Variants in PPM1B observed in about 807,000 individuals in gnomAD.
The protein encoded by PPM1B is protein phosphatase, Mg2+/Mn2+ dependent 1B, also known as protein phosphatase 1B.
In PPM1B, 22 loss-of-function variants were observed where a neutral mutation model predicts 43.0. The observed-to-expected ratio is 0.51, with a 90% CI of 0.37 to 0.73. The LOEUF is 0.73. PPM1B is among the 30% of genes least tolerant of loss of function. The pLI, the probability that PPM1B is intolerant of heterozygous loss-of-function variation, is 0.00. For missense variants in PPM1B, 632 were observed against 584.2 expected (o/e 1.08, Z -0.84); for synonymous variants, 217 against 197.9 (o/e 1.10, Z -0.81).
At chr2:44,204,572 A>G (rs752355211) in intron 2 of PPM1B, among the ~76,000 whole-genome samples, 1 of 152,294 alleles carries the variant, frequency 6.6e-6, no homozygotes, top group South Asian at 2.1e-4. Context: ...TAAGCCAAAC[A>G]CTATTCTAAA....
intron 1 of PPM1B, among the ~76,000 whole-genome samples, chr2:44,195,399 A>T (rs576779211): frequency 8.6e-5 from 13 of 151,628 alleles, no homozygotes; most frequent in Admixed American, 2.0e-4. Flanking sequence ...TTTGGTAGAG[A>T]TAGGGTCTTG....
chr2:44,192,195 T>TGTATTGTATG (rs1558400440), intron 1 of PPM1B, among the ~76,000 whole-genome samples: 1 of 103,902 alleles, frequency 9.6e-6, no homozygotes, highest in African/African-American at 3.8e-5. Context: ...GTTATGGTAT[T>TGTATTGTATG]GTATTGTATT....
intron 5 of PPM1B, among the ~76,000 whole-genome samples, chr2:44,242,107 C>T (rs1248147593): frequency 6.6e-6 from 1 of 152,060 alleles, no homozygotes; most frequent in African/African-American, 2.4e-5. Flanking sequence ...ATCCACCCAC[C>T]TCGGCCTCCC....
chr2:44,183,139 A>C (rs1472495367), intron 1 of PPM1B, among the ~76,000 whole-genome samples: 1 of 152,216 alleles, frequency 6.6e-6, no homozygotes, highest in Non-Finnish European at 1.5e-5. Context: ...CACAAATGCT[A>C]ATACCACTTG....
rs60750702 is a variant in PPM1B at position 44,226,735 on chromosome 2, C to CTTTTTTT, written c.1135-3660_1135-3654dup. 1.1e-3 allele frequency among the ~76,000 whole-genome samples: 70 copies of CTTTTTTT among 66,630 alleles called. 1 individual carries two copies. The highest frequency in any genetic ancestry group is 2.4e-3 in the East Asian group (5 of 2,094). The allele number at this position is 66,630 out of a possible 152,430, so 43.7% of individuals were successfully genotyped here. ...TTTTAATAAAATGGTAGGTTTTTAT[C>CTTTTTTT]TTTTTTTTTTTTTTTTTTTTTTTTG... is the stretch of plus-strand genomic sequence containing the variant. On this transcript the variant is annotated intron_variant, in intron 5 of 5. Transcript: ENST00000282412.
intron 1 of PPM1B, among the ~76,000 whole-genome samples, chr2:44,184,039 A>G (rs1668011599): frequency 6.6e-6 from 1 of 152,144 alleles, no homozygotes; most frequent in Admixed American, 6.5e-5. Context: ...TGCCTGGCCT[A>G]GTTCTTAGTT....
intron 1 of PPM1B, among the ~76,000 whole-genome samples, chr2:44,185,970 A>G (rs1009980186): frequency 1.3e-5 from 2 of 152,186 alleles, no homozygotes; most frequent in African/African-American, 2.4e-5. Context: ...GATACTAAGA[A>G]TTGGAAGAAA....
chr2:44,222,727 T>C (rs1246966680), intron 5 of PPM1B, among the ~76,000 whole-genome samples: 3 of 152,324 alleles, frequency 2.0e-5, no homozygotes, highest in Admixed American at 6.5e-5. Context: ...CCATGTGGCC[T>C]CTTTAAGGTA....
chr2:44,217,902 T>A, intron 3 of PPM1B, 65 bp from the exon 4 acceptor site: 1 of 962,792 alleles, frequency 1.0e-6, no homozygotes, highest in Non-Finnish European at 1.5e-6. Flanking sequence ...GTATCTCTTG[T>A]TTCACTTCTT....
chr2:44,239,603 A>G (rs1313445707), downstream of PPM1B, among the ~76,000 whole-genome samples: 2 of 152,212 alleles, frequency 1.3e-5, no homozygotes, highest in African/African-American at 4.8e-5. Flanking sequence ...GGCTGAGGGG[A>G]GGCACATCTC....
At chr2:44,190,434 C>T (rs1339907045) in intron 1 of PPM1B, among the ~76,000 whole-genome samples, 1 of 152,192 alleles carries the variant, frequency 6.6e-6, no homozygotes, top group Non-Finnish European at 1.5e-5. Flanking sequence ...GTTGGGATTA[C>T]AGGCGTGAGC....
At chr2:44,225,690 C>G (rs193295561) in intron 5 of PPM1B, among the ~76,000 whole-genome samples, 167 of 152,016 alleles carry the variant, frequency 1.1e-3, no homozygotes, top group African/African-American at 3.8e-3. Flanking sequence ...GGAGTCTCAC[C>G]CTGTCACCGA....
At chr2:44,202,913 G>A (rs1669006557) in intron 2 of PPM1B, among the ~76,000 whole-genome samples, 1 of 152,118 alleles carries the variant, frequency 6.6e-6, no homozygotes, top group Admixed American at 6.6e-5. Context: ...GAGTTATCTG[G>A]CCAGTGTCTG....
chr2:44,198,997 G>A (rs1488797012), intron 1 of PPM1B, among the ~76,000 whole-genome samples: 2 of 152,172 alleles, frequency 1.3e-5, no homozygotes, highest in Admixed American at 6.5e-5. Flanking sequence ...GGTGGCTCAT[G>A]CCTGTGATCC....
chr2:44,245,889 C>T (rs887989323), downstream of PPM1B, among the ~76,000 whole-genome samples: 39 of 152,334 alleles, frequency 2.6e-4, no homozygotes, highest in African/African-American at 8.9e-4. Flanking sequence ...TGACTCCATT[C>T]CTTTGGAGCT....
chr2:44,194,581 G>T (rs1405227513), intron 1 of PPM1B, among the ~76,000 whole-genome samples: 1 of 152,084 alleles, frequency 6.6e-6, no homozygotes, highest in Non-Finnish European at 1.5e-5. Context: ...AAATTAGCCA[G>T]GCGTGGTGGC....
rs1229890914 is a variant in PPM1B, at chr2:44,168,907, CG to C, written c.-380del. The C allele has an allele frequency of 6.5e-6, 1 of 153,084 alleles. No homozygotes were observed. Among genetic ancestry groups the C allele is most frequent in the African/African-American group, 2.4e-5 (1 of 41,452 alleles). The allele number at this position is 153,084 out of a possible 1,614,324, so 9.5% of individuals were successfully genotyped here. On this transcript the variant is annotated 5_prime_UTR_variant, in exon 1 of 6. It removes the in-frame stop codon of an upstream open reading frame in the 5' UTR. Coordinates refer to ENST00000282412, the MANE Select transcript of PPM1B (RefSeq NM_002706.6). ...GAGCCGAGCGGCTTCTGCTCAATGG[CG>C]GAAAAGCCGCCGGTGCTCTGACGGC...
chr2:44,172,486 A>C (rs1222759038), intron 1 of PPM1B, among the ~76,000 whole-genome samples: 1 of 152,258 alleles, frequency 6.6e-6, no homozygotes, highest in South Asian at 2.1e-4. Context: ...GAACAGGTGA[A>C]GAAAAAGGTA....
At chr2:44,198,042 G>T (rs769728555) in intron 1 of PPM1B, among the ~76,000 whole-genome samples, 1 of 152,162 alleles carries the variant, frequency 6.6e-6, no homozygotes, top group Non-Finnish European at 1.5e-5. Flanking sequence ...TTGACAGATT[G>T]TGCTGTTCTT....
Sources: allele counts gnomAD v4.1 joint callset (sites outside exome capture counted in the v4.1 genomes callset), GRCh38; gene constraint gnomAD v4.1.1; transcripts MANE v1.5; gene names NCBI Gene and HGNC (gene_info 2026-07-23, HGNC 2026-07-21).